The following ATP9B variants were observed in gnomAD, a reference collection of about 807,000 sequenced individuals.
The protein encoded by ATP9B is ATPase phospholipid transporting 9B.
In ATP9B, 110 loss-of-function variants were observed where a neutral mutation model predicts 146.1. The observed-to-expected ratio is 0.75, with a 90% CI of 0.65 to 0.88. The LOEUF is 0.88. Ranked by LOEUF, ATP9B falls within the 40% of genes least tolerant of loss-of-function variation. ATP9B has a pLI of 0.00. For synonymous variants in ATP9B, 604 were observed against 569.7 expected (o/e 1.06, Z -0.86); for missense variants, 1,499 against 1,496.4 (o/e 1.00, Z -0.03).
At chr18:79,207,280 C>T (rs1030345255) in intron 10 of ATP9B, among the ~76,000 whole-genome samples, 1 of 152,120 alleles carries the variant, frequency 6.6e-6, no homozygotes, top group Non-Finnish European at 1.5e-5. Context: ...ATATTCTGTT[C>T]GTCTTTGACC....
intron 19 of ATP9B, among the ~76,000 whole-genome samples, chr18:79,339,055 A>ATCGCAGTAGGAAGTATGTCATGT (rs1288706658): frequency 6.6e-6 from 1 of 152,256 alleles, no homozygotes; most frequent in African/African-American, 2.4e-5. Context: ...TCCTTCTGAG[A>ATCGCAGTAGGAAGTATGTCATGT]TCGCAGTAGG....
At chr18:79,110,313 A>C in intron 2 of ATP9B, 42 bp from the exon 3 acceptor site, 1 of 1,494,744 alleles carries the variant, frequency 6.7e-7, no homozygotes, top group Non-Finnish European at 8.9e-7. Context: ...TTTTTTAAAA[A>C]GCAAAAAAAA....
chr18:79,327,225 T>G (rs1396801966), intron 15 of ATP9B, among the ~76,000 whole-genome samples: 1 of 152,142 alleles, frequency 6.6e-6, no homozygotes, highest in Non-Finnish European at 1.5e-5. Context: ...GAGAGTGAGG[T>G]GGAGGTTAAA....
chr18:79,090,210 T>G (rs781604775), intron 1 of ATP9B, among the ~76,000 whole-genome samples: 5 of 152,248 alleles, frequency 3.3e-5, no homozygotes, highest in Non-Finnish European at 1.5e-5. Flanking sequence ...TTTTAACTGT[T>G]GTAAACAGTG....
chr18:79,082,650 ACAGT>A (rs901187634), intron 1 of ATP9B, among the ~76,000 whole-genome samples: 3 of 152,110 alleles, frequency 2.0e-5, no homozygotes, highest in African/African-American at 7.2e-5. Flanking sequence ...TTTACTTCTA[ACAGT>A]CAGGCACGTC....
intron 8 of ATP9B, among the ~76,000 whole-genome samples, chr18:79,185,684 T>C (rs2095301427): frequency 6.6e-6 from 1 of 152,248 alleles, no homozygotes; most frequent in African/African-American, 2.4e-5. Context: ...TCTGATTTCA[T>C]TATGGATATG....
chr18:79,377,660 A>C lies in ATP9B; in HGVS notation c.*277A>C. 1 of 464,328 alleles carries C rather than the reference A, an allele frequency of 2.2e-6. No individual in the cohort carries two copies. Among genetic ancestry groups the C allele is most frequent in the East Asian group, 3.8e-5 (1 of 26,088 alleles). 28.8% of individuals were successfully genotyped at this position (464,328 alleles called of 1,614,324 possible). A position where few individuals can be genotyped will look rare whatever the true frequency, so the allele number is the denominator to read the frequency against. Reference sequence around the variant, plus strand: ...CCCCTGCCAGGCAAGCCCAGGGCATAGATGCTGAGACAGCCTCTCCCTCTC... The same window carrying C: ...CCCCTGCCAGGCAAGCCCAGGGCATCGATGCTGAGACAGCCTCTCCCTCTC... On this transcript the variant is annotated 3_prime_UTR_variant, in exon 30 of 30. Transcript: ENST00000426216.
chr18:79,090,263 G>A (rs756666967), intron 1 of ATP9B, among the ~76,000 whole-genome samples: 3 of 152,136 alleles, frequency 2.0e-5, no homozygotes, highest in African/African-American at 4.8e-5. Context: ...TGATAACATC[G>A]ATTTCCTTTA....
intron 17 of ATP9B, among the ~76,000 whole-genome samples, chr18:79,335,408 C>T (rs1432376813): frequency 6.6e-6 from 1 of 152,214 alleles, no homozygotes; most frequent in Admixed American, 6.5e-5. Flanking sequence ...GAGCCTGTTT[C>T]TTCACCCATC....
intron 4 of ATP9B, among the ~76,000 whole-genome samples, chr18:79,124,466 C>T (rs909712677): frequency 3.9e-5 from 6 of 152,244 alleles, no homozygotes; most frequent in African/African-American, 1.2e-4. Flanking sequence ...TGGCACATGC[C>T]GTGCCATGCC....
intron 11 of ATP9B, among the ~76,000 whole-genome samples, chr18:79,231,805 C>T (rs867724482): frequency 4.2e-4 from 46 of 109,062 alleles, no homozygotes; most frequent in African/African-American, 1.6e-3. Context: ...TATATATATA[C>T]ACACACACAC....
intron 10 of ATP9B, among the ~76,000 whole-genome samples, chr18:79,208,587 A>G (rs1257120821): frequency 6.6e-6 from 1 of 152,182 alleles, no homozygotes; most frequent in Non-Finnish European, 1.5e-5. Context: ...TAGAATTTGA[A>G]AGAGGATTCA....
chr18:79,369,459 G>A (rs1390439443), intron 26 of ATP9B, among the ~76,000 whole-genome samples: 2 of 151,502 alleles, frequency 1.3e-5, no homozygotes, highest in African/African-American at 4.9e-5. Flanking sequence ...CGTGAACCCG[G>A]GAGGCGAAGC....
At chr18:79,202,303 A>T (rs1234216305) in intron 9 of ATP9B, among the ~76,000 whole-genome samples, 2 of 152,190 alleles carry the variant, frequency 1.3e-5, no homozygotes, top group Non-Finnish European at 1.5e-5. Flanking sequence ...ATTGTCTTGG[A>T]AGTTTGGAGT....
intron 11 of ATP9B, among the ~76,000 whole-genome samples, chr18:79,217,511 GACATA>G (rs1442204764): frequency 6.6e-6 from 1 of 152,206 alleles, no homozygotes; most frequent in Non-Finnish European, 1.5e-5. Flanking sequence ...ATCCAATTAA[GACATA>G]ACATAACAGG....
chr18:79,120,192 CT>C (rs2094164484), intron 4 of ATP9B, among the ~76,000 whole-genome samples: 1 of 152,146 alleles, frequency 6.6e-6, no homozygotes. Flanking sequence ...CATACATTGA[CT>C]TCTTTTTGCC....
intron 13 of ATP9B, among the ~76,000 whole-genome samples, chr18:79,303,261 C>G (rs1238806028): frequency 1.3e-5 from 2 of 152,070 alleles, no homozygotes; most frequent in Non-Finnish European, 2.9e-5. Flanking sequence ...ATTCGGGAAG[C>G]TGAGGCAGGT....
chr18:79,273,790 G>C (rs115032951), intron 12 of ATP9B, among the ~76,000 whole-genome samples: 255 of 152,330 alleles, frequency 1.7e-3, no homozygotes, highest in African/African-American at 5.9e-3. Flanking sequence ...AGACACTTTT[G>C]TAGCTGTGGA....
intron 29 of ATP9B, among the ~76,000 whole-genome samples, chr18:79,376,621 C>T (rs1360975640): frequency 6.6e-6 from 1 of 151,610 alleles, no homozygotes; most frequent in Non-Finnish European, 1.5e-5. Flanking sequence ...AACTCCTGAC[C>T]TCAGGTGATC....
Sources: gnomAD v4.1 joint callset for allele counts (sites outside exome capture counted in the v4.1 genomes callset) on GRCh38, gnomAD v4.1.1 for gene constraint, MANE v1.5 for transcripts, NCBI Gene and HGNC (gene_info 2026-07-23, HGNC 2026-07-21) for gene names.